SLCO3A1: variants seen among roughly 807,000 people sequenced by gnomAD.
SLCO3A1 encodes PGE1 transporter.
Under a neutral mutation model 63.1 loss-of-function variants are expected in SLCO3A1, and 27 were observed. The observed-to-expected ratio is 0.43, with a 90% confidence interval of 0.32 to 0.59. The LOEUF (loss-of-function observed/expected upper bound fraction) is 0.59, where lower values mean the gene tolerates loss of function less well. Among genes scored for constraint, SLCO3A1 ranks in the 20% least tolerant of loss-of-function variants. The pLI, the probability that SLCO3A1 is intolerant of heterozygous loss-of-function variation, is 0.09. For missense variants in SLCO3A1, 773 were observed against 945.8 expected, an observed-to-expected ratio of 0.82 and a Z score of 2.40; for synonymous variants, 473 against 409.9, an observed-to-expected ratio of 1.15 and a Z score of -1.86.
intron 2 of SLCO3A1, among the ~76,000 whole-genome samples, chr15:92,011,898 G>A (rs1244077701): frequency 6.6e-6 from 1 of 152,230 alleles, no homozygotes; most frequent in African/African-American, 2.4e-5. Flanking sequence ...CTCTCAATTT[G>A]CTGTGTTATT....
At position 92,028,944 on chromosome 15, in the gene SLCO3A1, TAC is replaced by T. The variant is rs1477984781; in HGVS notation, c.647-65936_647-65935del. On this transcript the variant is annotated intron_variant, in intron 2 of 9. Transcript: ENST00000318445. ...GTGTGTGTGTGTGTGTGTGTGTGTG[TAC>T]GTACATGAGAAAACCCCTGACCCAT... is the stretch of plus-strand genomic sequence containing the variant. 2.8e-3 allele frequency among the ~76,000 whole-genome samples: 424 copies of T among 149,118 alleles called. 1 individual carries two copies. Among genetic ancestry groups the T allele is most frequent in the African/African-American group, 7.8e-3 (318 of 40,804 alleles).
chr15:92,112,763 C>T (rs1163131688), intron 4 of SLCO3A1, among the ~76,000 whole-genome samples: 1 of 152,178 alleles, frequency 6.6e-6, no homozygotes, highest in Non-Finnish European at 1.5e-5. Flanking sequence ...TATCTTAGCG[C>T]ATGAAGGCTC....
intron 2 of SLCO3A1, among the ~76,000 whole-genome samples, chr15:92,045,517 T>G (rs990364770): frequency 1.3e-5 from 2 of 152,178 alleles, no homozygotes; most frequent in Non-Finnish European, 1.5e-5. Context: ...AATATGAAAT[T>G]TTTCCTGTCC....
intron 2 of SLCO3A1, among the ~76,000 whole-genome samples, chr15:92,065,385 G>T (rs373699386): frequency 6.6e-6 from 1 of 152,030 alleles, no homozygotes; most frequent in African/African-American, 2.4e-5. Context: ...ACCACACCCG[G>T]CCATTTACCC....
chr15:92,082,931 C>A (rs909740601), intron 2 of SLCO3A1, among the ~76,000 whole-genome samples: 1 of 152,222 alleles, frequency 6.6e-6, no homozygotes, highest in Non-Finnish European at 1.5e-5. Context: ...TCTCTCTGCG[C>A]TTCTGTATTC....
intron 7 of SLCO3A1, among the ~76,000 whole-genome samples, chr15:92,139,445 G>T (rs1042157112): frequency 2.6e-5 from 4 of 152,026 alleles, no homozygotes; most frequent in African/African-American, 9.7e-5. Flanking sequence ...TTCTTTTTTG[G>T]TTGTGTCTCT....
In SLCO3A1 at chr15:91,912,477, G is replaced by A. The variant is rs1233126287; in HGVS notation, c.181-3516G>A. Among the ~76,000 whole-genome samples, 2 of 152,306 alleles carry A rather than the reference G, an allele frequency of 1.3e-5. No homozygotes were observed. The highest frequency in any genetic ancestry group is 2.1e-4 in the South Asian group (1 of 4,828). ...GAGCCAGGACAAGAGCTGCAGGCAC[G>A]GGCGTTATCTGTCTCTAAAAGAACT... On this transcript the variant is annotated intron_variant, in intron 1 of 9. Coordinates refer to ENST00000318445, the MANE Select transcript of SLCO3A1 (RefSeq NM_013272.4). This position sits in a 1 kb window ranked among gnomAD's most constrained non-coding sequence, Gnocchi z 5.0.
chr15:92,089,951 G>T (rs758940235), intron 2 of SLCO3A1, among the ~76,000 whole-genome samples: 23 of 152,138 alleles, frequency 1.5e-4, no homozygotes, highest in African/African-American at 2.7e-4. Context: ...TGTTTATCAA[G>T]CAGTTAGGCT....
intron 2 of SLCO3A1, among the ~76,000 whole-genome samples, chr15:91,939,511 C>T (rs1899541361): frequency 6.6e-6 from 1 of 152,186 alleles, no homozygotes; most frequent in African/African-American, 2.4e-5. Flanking sequence ...GACCTTCCCC[C>T]ATGGTTCGCT....
At chr15:92,141,018 C>T (rs559173687) in intron 7 of SLCO3A1, among the ~76,000 whole-genome samples, 41 of 152,284 alleles carry the variant, frequency 2.7e-4, no homozygotes, top group African/African-American at 7.0e-4. Context: ...TCTCGTAGAA[C>T]GGACAAGCCT....
In SLCO3A1 at chr15:91,948,657, C is replaced by T. The variant is rs1478392872; in HGVS notation, c.646+32199C>T. On this transcript the variant is annotated intron_variant, in intron 2 of 9. Coordinates refer to ENST00000318445, the MANE Select transcript of SLCO3A1 (RefSeq NM_013272.4). The surrounding 1 kb of genome is among the most constrained non-coding windows in gnomAD (Gnocchi z 4.8). ...CTCTCTGGTGCCCTGTGTTTACAGA[C>T]ATGAGGGCTGGGTTTTCCTGCCCTG... Among the ~76,000 whole-genome samples, 3 of 152,204 alleles carry T rather than the reference C, an allele frequency of 2.0e-5. No individual in the cohort carries two copies. The highest frequency in any genetic ancestry group is 4.4e-5 in the Non-Finnish European group (3 of 68,038).
In SLCO3A1 at chr15:92,128,457, C is replaced by G; in HGVS notation, c.1480C>G (p.Leu494Val). ...PVCGADGITY[L>V]SACFAGCNST... ...GTGTGGGGCAGATGGCATCACCTAC[C>G]TGTCTGCCTGCTTTGCTGGCTGCAA... Residue 494 changes from leucine to valine, a missense_variant, in exon 7 of 10, where the codon CTG (leucine) becomes GTG (valine). Physicochemically the swap from Leu to Val is conservative, Grantham distance 32. Coordinates refer to ENST00000318445, the MANE Select transcript of SLCO3A1 (RefSeq NM_013272.4). 6.2e-7 allele frequency: 1 copy of G among 1,613,966 alleles called. No individual in the cohort carries two copies. Among genetic ancestry groups the G allele is most frequent in the Non-Finnish European group, 8.5e-7 (1 of 1,179,926 alleles).
chr15:92,119,756 C>T (rs1462345857), intron 4 of SLCO3A1, among the ~76,000 whole-genome samples: 1 of 152,094 alleles, frequency 6.6e-6, no homozygotes, highest in South Asian at 2.1e-4. Context: ...GGGTTTTGAG[C>T]AGGAAACTGA....
In SLCO3A1 at chr15:91,863,796, C is replaced by G. The variant is rs1268780528; in HGVS notation, c.180+9708C>G. Among the ~76,000 whole-genome samples the G allele has an allele frequency of 3.9e-5, 6 of 152,334 alleles. No individual in the cohort carries two copies. In the East Asian group the frequency reaches 9.6e-4, roughly 24 times the overall value. Reference sequence around the variant, plus strand: ...AAAAAACTGAGGGCAAGACTCCTGACTTATTGTGTGGCATGTCGTGTCGCC... The same window carrying G: ...AAAAAACTGAGGGCAAGACTCCTGAGTTATTGTGTGGCATGTCGTGTCGCC... On this transcript the variant is annotated intron_variant, in intron 1 of 9. Coordinates refer to ENST00000318445, the MANE Select transcript of SLCO3A1 (RefSeq NM_013272.4). This position sits in a 1 kb window ranked among gnomAD's most constrained non-coding sequence, Gnocchi z 4.3.
chr15:92,027,667 C>A (rs1023046191), intron 2 of SLCO3A1, among the ~76,000 whole-genome samples: 1 of 152,230 alleles, frequency 6.6e-6, no homozygotes, highest in Non-Finnish European at 1.5e-5. Context: ...TGCCACAAGA[C>A]TGTGCCTTTT....
Position 92,120,610 on chromosome 15 carries a change from T to A in SLCO3A1, c.1155T>A (p.Ser385=), listed in dbSNP as rs2047852022. ...AGCAGCAGTTTAACCTCACCACCTC[T>A]TCTGCCAACCAGCTGCTTGGTGAGT... is the stretch of plus-strand genomic sequence containing the variant. ...YLEQQFNLTT[S]SANQLLGMTA... is the part of the protein sequence containing the mutation. The change falls in exon 5 of 10, where the codon TCT becomes TCA. Residue 385 remains serine (S), a synonymous_variant. Coordinates refer to ENST00000318445, the MANE Select transcript of SLCO3A1 (RefSeq NM_013272.4). 5.6e-6 allele frequency: 9 copies of A among 1,613,446 alleles called. No individual in the cohort carries two copies. The highest frequency in any genetic ancestry group is 3.3e-5 in the South Asian group (3 of 91,034).
intron 9 of SLCO3A1, 95 bp downstream of exon 9, chr15:92,151,109 CTCT>C: frequency 1.1e-6 from 1 of 896,468 alleles, no homozygotes; most frequent in Non-Finnish European, 1.7e-6. Flanking sequence ...CTAGGTCTGT[CTCT>C]TTTTTCTTTG....
chr15:91,889,574 TA>T (rs1184262923), intron 1 of SLCO3A1, among the ~76,000 whole-genome samples: 1 of 152,248 alleles, frequency 6.6e-6, no homozygotes, highest in Non-Finnish European at 1.5e-5. Context: ...TAGTGTCATA[TA>T]TAGCATAATT....
At position 91,883,357 on chromosome 15, in the gene SLCO3A1, A is replaced by G. The variant is rs150947057; in HGVS notation, c.180+29269A>G. On this transcript the variant is annotated intron_variant, in intron 1 of 9. Coordinates refer to ENST00000318445, the MANE Select transcript of SLCO3A1 (RefSeq NM_013272.4). The surrounding 1 kb of genome is among the most constrained non-coding windows in gnomAD (Gnocchi z 4.8). ...TTCACTCCATCAGCTGAGGTACCAC[A>G]GGGGATGCCAGAGACCTGAGGCTTC... Among the ~76,000 whole-genome samples the G allele has an allele frequency of 2.0e-5, 3 of 152,324 alleles. No homozygotes were observed. In the East Asian group the frequency reaches 5.8e-4, roughly 29 times the overall value.
Sources: allele counts gnomAD v4.1 joint callset (sites outside exome capture counted in the v4.1 genomes callset), GRCh38; gene constraint gnomAD v4.1.1; non-coding constraint Gnocchi (gnomAD v3.1); transcripts MANE v1.5; gene names NCBI Gene and HGNC (gene_info 2026-07-23, HGNC 2026-07-21).